Variants in GRAMD1C observed in about 807,000 individuals in gnomAD.
GRAMD1C encodes the protein protein Aster-C.
In GRAMD1C, 89 loss-of-function variants were observed where a neutral mutation model predicts 97.8. The observed-to-expected ratio is 0.91, with a 90% CI of 0.77 to 1.09. The LOEUF (loss-of-function observed/expected upper bound fraction) is 1.09. Among genes scored for constraint, GRAMD1C ranks in the 50% least tolerant of loss-of-function variants. The pLI is 0.00. For missense variants in GRAMD1C, 740 were observed against 766.4 expected (o/e 0.97, Z 0.41); for synonymous variants, 256 against 267.0 (o/e 0.96, Z 0.40).
At chr3:113,845,940 A>G (rs1933592141) in intron 2 of GRAMD1C, among the ~76,000 whole-genome samples, 2 of 152,152 alleles carry the variant, frequency 1.3e-5, no homozygotes, top group Non-Finnish European at 2.9e-5. Context: ...GAAACGTGAC[A>G]TTATAAGTTT....
At chr3:113,870,596 A>C (rs1229726461) in intron 3 of GRAMD1C, among the ~76,000 whole-genome samples, 1 of 152,170 alleles carries the variant, frequency 6.6e-6, no homozygotes, top group Non-Finnish European at 1.5e-5. Context: ...GGATGTTTCT[A>C]ATACAAAGAT....
At chr3:113,877,218 A>G (rs1935082930) in intron 5 of GRAMD1C, among the ~76,000 whole-genome samples, 1 of 152,226 alleles carries the variant, frequency 6.6e-6, no homozygotes, top group Non-Finnish European at 1.5e-5. Context: ...TTGCTCCTGC[A>G]CTAATTGAGA....
chr3:113,879,025 T>C (rs1935162084), intron 5 of GRAMD1C, among the ~76,000 whole-genome samples: 1 of 151,804 alleles, frequency 6.6e-6, no homozygotes. Context: ...GCCAAAATGG[T>C]GAAACCCCGT....
chr3:113,937,613 A>G (rs1396623260), intron 14 of GRAMD1C, among the ~76,000 whole-genome samples: 1 of 152,176 alleles, frequency 6.6e-6, no homozygotes, highest in Non-Finnish European at 1.5e-5. Flanking sequence ...TGTCAGAAAT[A>G]AAAAAAGGGG....
intron 2 of GRAMD1C, among the ~76,000 whole-genome samples, chr3:113,864,787 C>T (rs1934521078): frequency 6.6e-6 from 1 of 152,140 alleles, no homozygotes; most frequent in African/African-American, 2.4e-5. Context: ...AAGCCATCAC[C>T]AGAATTTCTC....
At position 113,885,622 on chromosome 3, in the gene GRAMD1C, G is replaced by A. The variant is rs145583136; in HGVS notation, c.540+2790G>A. The A allele has an allele frequency of 7.9e-4, 1,186 of 1,503,232 alleles. 12 individuals are homozygous for A. In the African/African-American group the frequency reaches 0.015, roughly 19 times the overall value. The allele number at this position is 1,503,232 out of a possible 1,614,324, so 93.1% of individuals were successfully genotyped here. On this transcript the variant is annotated intron_variant, in intron 6 of 17. Transcript: ENST00000358160. ...AAACATTCTGTCCGGTTTTTTGTAC[G>A]TAAGAGGCCCCATGTGGATTTCTTC...
chr3:113,902,086 T>C (rs1936193454), intron 7 of GRAMD1C, among the ~76,000 whole-genome samples: 1 of 152,228 alleles, frequency 6.6e-6, no homozygotes, highest in Non-Finnish European at 1.5e-5. Flanking sequence ...AATTGTACAC[T>C]TTACATGAAG....
intron 5 of GRAMD1C, among the ~76,000 whole-genome samples, chr3:113,881,550 G>A (rs1190606738): frequency 6.6e-6 from 1 of 152,234 alleles, no homozygotes; most frequent in African/African-American, 2.4e-5. Context: ...AGAAAGCTGG[G>A]CGTTTTAAGG....
At chr3:113,851,938 G>A (rs1379286847) in intron 2 of GRAMD1C, among the ~76,000 whole-genome samples, 3 of 151,948 alleles carry the variant, frequency 2.0e-5, no homozygotes, top group Non-Finnish European at 2.9e-5. Flanking sequence ...GCATGATCTC[G>A]GCTCACTGCA....
chr3:113,902,761 C>T (rs1159385195), intron 7 of GRAMD1C, among the ~76,000 whole-genome samples: 4 of 151,806 alleles, frequency 2.6e-5, no homozygotes, highest in Non-Finnish European at 5.9e-5. Flanking sequence ...ATTCTCCTGC[C>T]TCAGCCTCCC....
chr3:113,858,458 G>C (rs1426267617), intron 2 of GRAMD1C, among the ~76,000 whole-genome samples: 6 of 125,278 alleles, frequency 4.8e-5, no homozygotes, highest in African/African-American at 3.0e-5. Context: ...GCAGTGGTTT[G>C]ATCTCGGCTC....
At chr3:113,874,395 C>CTGGAG (rs943334158) in intron 3 of GRAMD1C, among the ~76,000 whole-genome samples, 8 of 151,842 alleles carry the variant, frequency 5.3e-5, no homozygotes, top group African/African-American at 1.7e-4. Flanking sequence ...GTCTCGCTCC[C>CTGGAG]TGGAGTGGAG....
At chr3:113,902,264 G>T (rs988202389) in intron 7 of GRAMD1C, among the ~76,000 whole-genome samples, 1 of 152,152 alleles carries the variant, frequency 6.6e-6, no homozygotes, top group Non-Finnish European at 1.5e-5. Flanking sequence ...CTTAGCATCA[G>T]TATTTTATAG....
intron 9 of GRAMD1C, among the ~76,000 whole-genome samples, chr3:113,909,338 C>T (rs1252222356): frequency 3.9e-5 from 6 of 152,158 alleles, no homozygotes; most frequent in African/African-American, 1.4e-4. Flanking sequence ...TGAAAAGCTT[C>T]TTTGCATTTA....
chr3:113,927,340 G>T (rs1937262546), intron 10 of GRAMD1C, among the ~76,000 whole-genome samples: 2 of 152,130 alleles, frequency 1.3e-5, no homozygotes, highest in East Asian at 3.9e-4. Context: ...TGTTTCTTTT[G>T]TTGGGTGTTT....
chr3:113,944,902 T>C (rs1937994718), intron 17 of GRAMD1C, among the ~76,000 whole-genome samples: 1 of 152,254 alleles, frequency 6.6e-6, no homozygotes, highest in Admixed American at 6.5e-5. Context: ...TGACAAAGAT[T>C]ACAAAATTCA....
intron 12 of GRAMD1C, among the ~76,000 whole-genome samples, 157 bp from the exon 13 acceptor site, chr3:113,934,275 T>A (rs1465299297): frequency 2.6e-5 from 4 of 152,236 alleles, no homozygotes; most frequent in Non-Finnish European, 5.9e-5. Flanking sequence ...ATTAATTTTT[T>A]AAATAAAAGT....
At chr3:113,922,144 T>G (rs2107351149) in intron 10 of GRAMD1C, among the ~76,000 whole-genome samples, 1 of 152,160 alleles carries the variant, frequency 6.6e-6, no homozygotes, top group East Asian at 1.9e-4. Flanking sequence ...CGCAAACAGC[T>G]TACTGCAGCC....
At chr3:113,896,297 C>T (rs1350658770) in intron 6 of GRAMD1C, among the ~76,000 whole-genome samples, 1 of 152,166 alleles carries the variant, frequency 6.6e-6, no homozygotes, top group Non-Finnish European at 1.5e-5. Context: ...TCTTCCCTTG[C>T]CTTTCATGAC....
Sources: allele counts gnomAD v4.1 joint callset (sites outside exome capture counted in the v4.1 genomes callset), GRCh38; gene constraint gnomAD v4.1.1; transcripts MANE v1.5; gene names NCBI Gene and HGNC (gene_info 2026-07-23, HGNC 2026-07-21).